Variants in LAMA4 observed in about 807,000 individuals in gnomAD.
LAMA4 encodes the protein laminin subunit alpha-4.
Under a neutral mutation model 207.1 loss-of-function variants are expected in LAMA4, and 127 were observed. The observed-to-expected ratio is 0.61, with a 90% CI of 0.53 to 0.71. The LOEUF (loss-of-function observed/expected upper bound fraction) is 0.71. Among genes scored for constraint, LAMA4 ranks in the 30% least tolerant of loss-of-function variants. The pLI is 0.00. For missense variants in LAMA4, 2,093 were observed against 2,246.5 expected, an observed-to-expected ratio of 0.93 and a Z score of 1.38; for synonymous variants, 761 against 816.0, an observed-to-expected ratio of 0.93 and a Z score of 1.15.
chr6:112,172,901 C>A (rs1781808250), intron 11 of LAMA4, 97 bp from the exon 12 acceptor site: 1 of 885,190 alleles, frequency 1.1e-6, no homozygotes, highest in African/African-American at 1.6e-5. Flanking sequence ...TCAGGCCATG[C>A]CTTCTTTAGC....
Position 112,239,014 on chromosome 6 carries a change from A to G in LAMA4, c.195+14942T>C, listed in dbSNP as rs35121886. ...GAGATAGTGCCTATAAAGAGGTAATAAATACAGATAATAAAGATTAAATGG... is the reference window on the plus strand; with the variant it reads ...GAGATAGTGCCTATAAAGAGGTAATGAATACAGATAATAAAGATTAAATGG... On this transcript the variant is annotated intron_variant, in intron 2 of 38. Transcript: ENST00000230538. Among the ~76,000 whole-genome samples the G allele has an allele frequency of 3.4e-3, 523 of 152,278 alleles. 3 individuals are homozygous for G. The highest frequency in any genetic ancestry group is 0.012 in the African/African-American group (498 of 41,552).
chr6:112,174,514 G>A (rs1781905141), intron 11 of LAMA4, among the ~76,000 whole-genome samples: 1 of 152,000 alleles, frequency 6.6e-6, no homozygotes. Context: ...TTTTGTTTTG[G>A]GACAGAGTCT....
In LAMA4 at chr6:112,109,354, G is replaced by A; in HGVS notation, c.*83C>T. On this transcript the variant is annotated 3_prime_UTR_variant, in exon 39 of 39. Coordinates refer to ENST00000230538, the MANE Select transcript of LAMA4 (RefSeq NM_001105206.3). Reference sequence around the variant, plus strand: ...CGATGAAAGCTTCCACCCGAAGGAAGAGTTACTGTTCCTCCTGGCTGGCTT... The same window carrying A: ...CGATGAAAGCTTCCACCCGAAGGAAAAGTTACTGTTCCTCCTGGCTGGCTT... 3 of 1,457,830 alleles carry A rather than the reference G, an allele frequency of 2.1e-6. No individual in the cohort carries two copies. Among genetic ancestry groups the A allele is most frequent in the South Asian group, 2.3e-5 (2 of 85,762 alleles). The allele number at this position is 1,457,830 out of a possible 1,614,324, so 90.3% of individuals were successfully genotyped here.
intron 2 of LAMA4, among the ~76,000 whole-genome samples, chr6:112,221,728 C>T (rs1435735994): frequency 1.3e-5 from 2 of 151,996 alleles, no homozygotes; most frequent in Admixed American, 1.3e-4. Flanking sequence ...TGTGCCCTTA[C>T]TTAAGAGTCT....
intron 2 of LAMA4, among the ~76,000 whole-genome samples, chr6:112,242,532 G>T (rs1296103157): frequency 1.3e-5 from 2 of 152,280 alleles, no homozygotes; most frequent in East Asian, 1.9e-4. Context: ...TAAACAGCCT[G>T]GGGATATGGT....
chr6:112,162,182 G>C (rs1236146354), intron 13 of LAMA4: 1 of 151,482 alleles, frequency 6.6e-6, no homozygotes, highest in Non-Finnish European at 1.5e-5. Context: ...CAGAAATCAA[G>C]ATTCAAGGCC....
rs1562662493 is a variant in LAMA4 at position 112,148,351 on chromosome 6, C to T, written c.2174-15G>A. 6.2e-7 allele frequency: 1 copy of T among 1,613,844 alleles called. No individual in the cohort carries two copies. Among genetic ancestry groups the T allele is most frequent in the South Asian group, 1.1e-5 (1 of 91,066 alleles). ...CTGGGCATCCCCTTTACACAGAGCA[C>T]AGGGTCATTCACTTTGCAGAGAAGC... On this transcript the variant is annotated splice_polypyrimidine_tract_variant and intron_variant, in intron 17 of 38. Coordinates refer to ENST00000230538, the MANE Select transcript of LAMA4 (RefSeq NM_001105206.3).
rs551578208 is a variant in LAMA4, at chr6:112,241,197, A to G, written c.195+12759T>C. On this transcript the variant is annotated intron_variant, in intron 2 of 38. Coordinates refer to ENST00000230538, the MANE Select transcript of LAMA4 (RefSeq NM_001105206.3). Reference sequence around the variant, plus strand: ...AATATATATGAATATATATGAATATATATGATATATATGAATGTATATATA... The same window carrying G: ...AATATATATGAATATATATGAATATGTATGATATATATGAATGTATATATA... Among the ~76,000 whole-genome samples the G allele has an allele frequency of 3.5e-5, 5 of 140,868 alleles. No homozygotes were observed. The South Asian group carries it at 1.1e-3, about 31-fold the overall frequency. 92.4% of individuals were successfully genotyped at this position (140,868 alleles called of 152,430 possible). A position where few individuals can be genotyped will look rare whatever the true frequency, so the allele number is the denominator to read the frequency against.
intron 12 of LAMA4, 47 bp downstream of exon 12, chr6:112,172,564 T>A: frequency 6.3e-7 from 1 of 1,575,142 alleles, no homozygotes; most frequent in Non-Finnish European, 8.7e-7. Context: ...TGGTGTACCA[T>A]CACACTGCTG....
chr6:112,254,911 G>T (rs1196221630), upstream of LAMA4: 1 of 152,332 alleles, frequency 6.6e-6, no homozygotes, highest in African/African-American at 2.4e-5. Context: ...CTTGAGCAAG[G>T]TTTCTCGGGT....
At chr6:112,158,688 T>A in intron 14 of LAMA4, 44 bp downstream of exon 14, 1 of 1,543,686 alleles carries the variant, frequency 6.5e-7, no homozygotes, top group Non-Finnish European at 9.0e-7. Flanking sequence ...TAATATTTTA[T>A]TCACCCCATG....
intron 18 of LAMA4, among the ~76,000 whole-genome samples, chr6:112,145,150 A>G (rs913101674): frequency 1.3e-5 from 2 of 152,232 alleles, no homozygotes; most frequent in Admixed American, 1.3e-4. Context: ...CAGCTAGTTT[A>G]GGGCACAGGT....
intron 3 of LAMA4, among the ~76,000 whole-genome samples, chr6:112,213,291 G>A (rs1054139341): frequency 1.3e-5 from 2 of 152,118 alleles, no homozygotes; most frequent in Non-Finnish European, 2.9e-5. Flanking sequence ...AAGCCTCTAG[G>A]GCTGGGATGA....
intron 12 of LAMA4, 48 bp downstream of exon 12, chr6:112,172,563 A>G (rs1781778586): frequency 6.4e-7 from 1 of 1,573,050 alleles, no homozygotes; most frequent in African/African-American, 1.3e-5. Context: ...TTGGTGTACC[A>G]TCACACTGCT....
At chr6:112,241,182 A>AATATATATATGAATATATATATTC (rs1165203872) in intron 2 of LAMA4, among the ~76,000 whole-genome samples, 2 of 103,730 alleles carry the variant, frequency 1.9e-5, no homozygotes, top group African/African-American at 4.0e-5. Flanking sequence ...AATATATATG[A>AATATATATATGAATATATATATTC]ATATATATGA....
At chr6:112,130,753 C>A (rs1778989809) in intron 29 of LAMA4, among the ~76,000 whole-genome samples, 1 of 151,926 alleles carries the variant, frequency 6.6e-6, no homozygotes, top group African/African-American at 2.4e-5. Flanking sequence ...GAAAAAGAAC[C>A]CTTATATTTA....
chr6:112,237,789 T>C (rs1334897103), intron 2 of LAMA4, among the ~76,000 whole-genome samples: 2 of 152,208 alleles, frequency 1.3e-5, no homozygotes, highest in African/African-American at 4.8e-5. Context: ...TTCTCTCCTT[T>C]CCAGACCACA....
intron 24 of LAMA4, 94 bp downstream of exon 24, chr6:112,139,026 A>T: frequency 8.2e-7 from 1 of 1,221,356 alleles, no homozygotes; most frequent in Admixed American, 1.7e-5. Context: ...GTTTGATGGC[A>T]TGACACACTA....
intron 14 of LAMA4, 162 bp from the exon 15 acceptor site, chr6:112,155,868 C>G: frequency 1.3e-6 from 1 of 743,554 alleles, no homozygotes; most frequent in East Asian, 2.6e-5. Flanking sequence ...CACACCTCCT[C>G]TGCATTCTTC....
Sources: gnomAD v4.1 joint callset for allele counts (sites outside exome capture counted in the v4.1 genomes callset) on GRCh38, gnomAD v4.1.1 for gene constraint, MANE v1.5 for transcripts, NCBI Gene and HGNC (gene_info 2026-07-23, HGNC 2026-07-21) for gene names.